PLEKHM3: variants seen among roughly 807,000 people sequenced by gnomAD.
The protein encoded by PLEKHM3 is pleckstrin homology domain-containing family M member 3.
PLEKHM3 carries 45 observed loss-of-function variants against 81.8 expected under a neutral mutation model. The ratio of observed to expected loss-of-function variants is 0.55; its 90% CI spans 0.43 to 0.71. The LOEUF (loss-of-function observed/expected upper bound fraction) is 0.71. Among genes scored for constraint, PLEKHM3 ranks in the 30% least tolerant of loss-of-function variants. The probability of loss-of-function intolerance (pLI) is 0.00; values close to 1 mark genes in which losing one functional copy is unlikely to be tolerated. For missense variants in PLEKHM3, 788 were observed against 924.3 expected, an observed-to-expected ratio of 0.85 and a Z score of 1.91; for synonymous variants, 352 against 356.4, an observed-to-expected ratio of 0.99 and a Z score of 0.14.
intron 3 of PLEKHM3, among the ~76,000 whole-genome samples, chr2:207,974,357 G>A (rs745909433): frequency 6.6e-6 from 1 of 152,196 alleles, no homozygotes; most frequent in Non-Finnish European, 1.5e-5. Context: ...TGTCAGGAAT[G>A]CTACGAATGC....
At chr2:208,020,445 T>C (rs1693087662) in intron 1 of PLEKHM3, among the ~76,000 whole-genome samples, 2 of 152,208 alleles carry the variant, frequency 1.3e-5, no homozygotes, top group South Asian at 4.1e-4. Context: ...GATTAATTAC[T>C]TATGGAACAA....
chr2:207,865,799 AAAAGAT>A lies in PLEKHM3; in HGVS notation c.1951-4543_1951-4538del, dbSNP rs1370034195. Among the ~76,000 whole-genome samples, 21 of 35,110 alleles carry A rather than the reference AAAAGAT, an allele frequency of 6.0e-4. 1 individual carries two copies. The highest frequency in any genetic ancestry group is 3.6e-3 in the African/African-American group (20 of 5,570). The allele number at this position is 35,110 out of a possible 152,430, so 23.0% of individuals were successfully genotyped here. The stretch of plus-strand genomic sequence containing the variant: ...TCCGACTCAAAAAAAAAAAAAAAAA[AAAAGAT>A]ATATATATATATATATATATATATA... On this transcript the variant is annotated intron_variant, in intron 6 of 7. Transcript: ENST00000427836.
At chr2:207,979,228 C>A (rs1340461679) in intron 2 of PLEKHM3, among the ~76,000 whole-genome samples, 1 of 152,124 alleles carries the variant, frequency 6.6e-6, no homozygotes, top group Non-Finnish European at 1.5e-5. Flanking sequence ...TCCTGACATT[C>A]TTATCAGACA....
intron 7 of PLEKHM3, among the ~76,000 whole-genome samples, chr2:207,837,951 T>C (rs190559012): frequency 6.7e-6 from 1 of 150,242 alleles, no homozygotes; most frequent in South Asian, 2.1e-4. Flanking sequence ...TTTGTATTTT[T>C]AGTAGAGATG....
rs2105875362 is a variant in PLEKHM3 at position 207,827,552 on chromosome 2, G to A, written c.*767C>T. On this transcript the variant is annotated 3_prime_UTR_variant, in exon 8 of 8. Transcript: ENST00000427836. ...CGGTGGAGCGTCACATCATTAGGTG[G>A]GTGATGGGATTAGTACCGAAAAACA... is the stretch of plus-strand genomic sequence containing the variant. 1 of 152,300 alleles carries A rather than the reference G, an allele frequency of 6.6e-6. No individual in the cohort carries two copies. Among genetic ancestry groups the A allele is most frequent in the Admixed American group, 6.5e-5 (1 of 15,290 alleles). The allele number at this position is 152,300 out of a possible 1,614,324, so 9.4% of individuals were successfully genotyped here.
At chr2:207,911,784 C>T (rs1172086359) in intron 5 of PLEKHM3, among the ~76,000 whole-genome samples, 1 of 152,196 alleles carries the variant, frequency 6.6e-6, no homozygotes, top group Admixed American at 6.5e-5. Context: ...AGACTAGCTC[C>T]TGCCTCTTCT....
intron 3 of PLEKHM3, among the ~76,000 whole-genome samples, chr2:207,966,458 GATA>G (rs1452359682): frequency 6.6e-6 from 1 of 152,210 alleles, no homozygotes. Context: ...AACATGAGGG[GATA>G]ATACTTGTGT....
chr2:207,938,551 C>T (rs1437428779), intron 4 of PLEKHM3, among the ~76,000 whole-genome samples: 1 of 152,194 alleles, frequency 6.6e-6, no homozygotes. Flanking sequence ...AATTGATCCT[C>T]ACAATTAGGA....
intron 6 of PLEKHM3, among the ~76,000 whole-genome samples, chr2:207,878,501 G>T (rs1407376515): frequency 6.6e-6 from 1 of 152,192 alleles, no homozygotes; most frequent in African/African-American, 2.4e-5. Flanking sequence ...CCAGCTACTG[G>T]GGAGGCTGAG....
intron 7 of PLEKHM3, among the ~76,000 whole-genome samples, chr2:207,835,317 C>T (rs1219844269): frequency 6.6e-6 from 1 of 152,162 alleles, no homozygotes; most frequent in African/African-American, 2.4e-5. Flanking sequence ...GAGTAGACCT[C>T]AGCTTGAGTG....
chr2:207,828,171 C>G lies in PLEKHM3; in HGVS notation c.*148G>C. The G allele has an allele frequency of 1.7e-6, 1 of 584,482 alleles. No homozygotes were observed. The highest frequency in any genetic ancestry group is 2.7e-6 in the Non-Finnish European group (1 of 365,694). The allele number at this position is 584,482 out of a possible 1,614,324, so 36.2% of individuals were successfully genotyped here. On this transcript the variant is annotated 3_prime_UTR_variant, in exon 8 of 8. Transcript: ENST00000427836. Reference sequence around the variant, plus strand: ...TACGTACAGGACGTATAGGTATTTGCGTATATATAAATAAATATATATATC... The same window carrying G: ...TACGTACAGGACGTATAGGTATTTGGGTATATATAAATAAATATATATATC...
chr2:207,912,842 T>C (rs1204927315), intron 5 of PLEKHM3, among the ~76,000 whole-genome samples: 1 of 152,196 alleles, frequency 6.6e-6, no homozygotes, highest in African/African-American at 2.4e-5. Flanking sequence ...TTATTCCTCT[T>C]TCCCCTAAGG....
chr2:208,015,933 C>T (rs911547761), intron 1 of PLEKHM3, among the ~76,000 whole-genome samples: 4 of 152,190 alleles, frequency 2.6e-5, no homozygotes, highest in African/African-American at 4.8e-5. Flanking sequence ...GTGGCTCATG[C>T]CCGTAATCCC....
intron 5 of PLEKHM3, among the ~76,000 whole-genome samples, chr2:207,927,604 C>A (rs985585867): frequency 6.7e-6 from 1 of 148,854 alleles, no homozygotes; most frequent in Non-Finnish European, 1.5e-5. Context: ...CTGAGGCAGG[C>A]GGATCACCTG....
At chr2:207,949,912 T>C (rs1292334802) in intron 3 of PLEKHM3, among the ~76,000 whole-genome samples, 2 of 152,236 alleles carry the variant, frequency 1.3e-5, no homozygotes, top group African/African-American at 2.4e-5. Flanking sequence ...GCAACACACA[T>C]AGGCAATATT....
intron 6 of PLEKHM3, among the ~76,000 whole-genome samples, chr2:207,893,673 CAGAG>C (rs373448780): frequency 4.0e-5 from 6 of 151,634 alleles, no homozygotes; most frequent in Non-Finnish European, 8.8e-5. Context: ...ATATGCATGA[CAGAG>C]AGAGAGAGAA....
At chr2:207,965,590 T>C (rs1217676282) in intron 3 of PLEKHM3, among the ~76,000 whole-genome samples, 2 of 152,238 alleles carry the variant, frequency 1.3e-5, no homozygotes, top group Admixed American at 6.5e-5. Context: ...GGCCTACTTA[T>C]ATAAAGTGAT....
chr2:207,865,801 A>AAAAAAAAAAAAAAAATATATATAT, intron 6 of PLEKHM3, among the ~76,000 whole-genome samples: 1 of 25,288 alleles, frequency 4.0e-5, no homozygotes, highest in African/African-American at 2.1e-4. Context: ...AAAAAAAAAA[A>AAAAAAAAAAAAAAAATATATATAT]AGATATATAT....
At chr2:208,007,426 C>A (rs1033695354) in intron 1 of PLEKHM3, among the ~76,000 whole-genome samples, 2 of 152,072 alleles carry the variant, frequency 1.3e-5, no homozygotes, top group Admixed American at 1.3e-4. Context: ...AGGCATGCCG[C>A]AAGCAGCTAG....
Sources: gnomAD v4.1 joint callset for allele counts (sites outside exome capture counted in the v4.1 genomes callset) on GRCh38, gnomAD v4.1.1 for gene constraint, MANE v1.5 for transcripts, NCBI Gene and HGNC (gene_info 2026-07-23, HGNC 2026-07-21) for gene names.